The following BSN variants were observed in gnomAD, a reference collection of about 807,000 sequenced individuals.
BSN encodes the protein protein bassoon.
BSN carries 57 observed loss-of-function variants against 264.8 expected under a neutral mutation model. The observed-to-expected ratio is 0.22, with a 90% CI of 0.17 to 0.27. The LOEUF (loss-of-function observed/expected upper bound fraction) is 0.27. Ranked by LOEUF, BSN falls within the 10% of genes least tolerant of loss-of-function variation. The pLI, the probability that BSN is intolerant of heterozygous loss-of-function variation, is 1.00. For missense variants in BSN, 4,615 were observed against 5,232.5 expected, an observed-to-expected ratio of 0.88 and a Z score of 3.64; for synonymous variants, 2,059 against 2,137.3, an observed-to-expected ratio of 0.96 and a Z score of 1.01.
intron 3 of BSN, 150 bp from the exon 4 acceptor site, chr3:49,650,462 A>C: frequency 1.4e-6 from 1 of 722,984 alleles, no homozygotes; most frequent in East Asian, 2.8e-5. Flanking sequence ...GGGGGCAGTA[A>C]ATTGGTCAGT....
rs1237526327 is a variant in BSN, at chr3:49,638,161, A to G, written c.634-4107A>G. ...TGATTCTGATGGAGAGCCAGCTTGG[A>G]GAGGGCCTAGGAGCCACAGGGAGCC... On this transcript the variant is annotated intron_variant, in intron 2 of 11. Coordinates refer to ENST00000296452, the MANE Select transcript of BSN (RefSeq NM_003458.4). This position sits in a 1 kb window ranked among gnomAD's most constrained non-coding sequence, Gnocchi z 4.3. Among the ~76,000 whole-genome samples, 1 of 152,204 alleles carries G rather than the reference A, an allele frequency of 6.6e-6. No homozygotes were observed.
At chr3:49,637,680 C>T (rs1193550505) in intron 2 of BSN, among the ~76,000 whole-genome samples, 4 of 152,200 alleles carry the variant, frequency 2.6e-5, no homozygotes, top group Admixed American at 2.6e-4. Flanking sequence ...AAAGTCCTCT[C>T]AGAGCTACAG....
intron 2 of BSN, among the ~76,000 whole-genome samples, chr3:49,639,618 G>T (rs963917518): frequency 1.3e-5 from 2 of 152,132 alleles, no homozygotes; most frequent in Admixed American, 6.5e-5. Flanking sequence ...TTGGCCTTTG[G>T]GGGGCTCTGC....
At chr3:49,614,833 C>G (rs2052247094) in intron 1 of BSN, among the ~76,000 whole-genome samples, 1 of 152,158 alleles carries the variant, frequency 6.6e-6, no homozygotes, top group Non-Finnish European at 1.5e-5. Flanking sequence ...AAACCAAAAG[C>G]AAATCAATTT....
rs769337838 is a variant in BSN at position 49,657,910 on chromosome 3, G to A, written c.8354G>A (p.Arg2785His). The stretch of plus-strand genomic sequence containing the variant: ...GAGTCTCTCTCACAGCTTGTGAGCC[G>A]CCAGCCTCCCAAGTCCCCTCAGGTC... ...PPESLSQLVS[R>H]QPPKSPQVLY... The change falls in exon 5 of 12, where the codon CGC (arginine) becomes CAC (histidine). Residue 2785 changes from arginine to histidine, a missense_variant. Transcript: ENST00000296452. The A allele has an allele frequency of 2.2e-5, 36 of 1,613,586 alleles. No individual in the cohort carries two copies. The highest frequency in any genetic ancestry group is 5.5e-5 in the South Asian group (5 of 91,074).
At chr3:49,606,375 G>A (rs1185449547) in intron 1 of BSN, among the ~76,000 whole-genome samples, 1 of 49,206 alleles carries the variant, frequency 2.0e-5, no homozygotes, top group African/African-American at 6.7e-5. Flanking sequence ...CTTTTCAGAA[G>A]TGCCCCCTGA....
In BSN at chr3:49,650,974, C is replaced by G; in HGVS notation, c.1881C>G (p.Thr627=). Residue 627 remains threonine, a synonymous_variant, in exon 4 of 12, where the codon ACC becomes ACG. Transcript: ENST00000296452. ...EPMPKPPPET[T]PTPATPKVKS... ...TGCCGAAGCCACCTCCAGAGACTACCCCAACCCCTGCGACTCCTAAAGTAA... is the reference window on the plus strand; with the variant it reads ...TGCCGAAGCCACCTCCAGAGACTACGCCAACCCCTGCGACTCCTAAAGTAA... 5 of 1,614,178 alleles carry G rather than the reference C, an allele frequency of 3.1e-6. No individual in the cohort carries two copies. The East Asian group carries it at 8.9e-5, about 29-fold the overall frequency.
chr3:49,607,525 TCA>T (rs1232914631), intron 1 of BSN, among the ~76,000 whole-genome samples: 1 of 152,158 alleles, frequency 6.6e-6, no homozygotes, highest in Non-Finnish European at 1.5e-5. Context: ...TGTCACATGC[TCA>T]CACACACATG....
At position 49,656,998 on chromosome 3, in the gene BSN, G is replaced by A. The variant is rs375016523; in HGVS notation, c.7442G>A (p.Cys2481Tyr). 1.1e-5 allele frequency: 17 copies of A among 1,610,326 alleles called. No homozygotes were observed. Among genetic ancestry groups the A allele is most frequent in the Non-Finnish European group, 1.4e-5 (17 of 1,177,806 alleles). The change falls in exon 5 of 12, where the codon TGT (cysteine) becomes TAT (tyrosine). Residue 2481 changes from cysteine to tyrosine, a missense_variant. Cys to Tyr is a radical substitution (Grantham distance 194). Around this residue, in one of 3 missense-constraint regions of BSN, gnomAD observed 3,415 missense variants for 3,866.4 expected, o/e 0.88. Transcript: ENST00000296452. ...QRQKAPFPAA[C>Y]EAPGRGPPLA... ...CAGAAGGCTCCCTTTCCTGCAGCCT[G>A]TGAGGCACCTGGCCGAGGGCCTCCC...
In BSN at chr3:49,638,570, C is replaced by T. The variant is rs189257234; in HGVS notation, c.634-3698C>T. Among the ~76,000 whole-genome samples, 10 of 152,274 alleles carry T rather than the reference C, an allele frequency of 6.6e-5. No homozygotes were observed. The highest frequency in any genetic ancestry group is 1.7e-4 in the African/African-American group (7 of 41,556). ...CCTGGGAGGGGCTGTGGGGAGGGTGCGGTCAAGGTTCCTTACCGTCTGGAA... is the reference window on the plus strand; with the variant it reads ...CCTGGGAGGGGCTGTGGGGAGGGTGTGGTCAAGGTTCCTTACCGTCTGGAA... On this transcript the variant is annotated intron_variant, in intron 2 of 11. Coordinates refer to ENST00000296452, the MANE Select transcript of BSN (RefSeq NM_003458.4). This position sits in a 1 kb window ranked among gnomAD's most constrained non-coding sequence, Gnocchi z 4.3.
At chr3:49,596,661 GA>G (rs2052025482) in intron 1 of BSN, among the ~76,000 whole-genome samples, 1 of 151,932 alleles carries the variant, frequency 6.6e-6, no homozygotes, top group African/African-American at 2.4e-5. Flanking sequence ...TGGCTTTTTT[GA>G]AAATTCTAGA....
rs367663797 is a variant in BSN, at chr3:49,653,260, G to A, written c.3704G>A (p.Arg1235His). 11 of 1,612,734 alleles carry A rather than the reference G, an allele frequency of 6.8e-6. No individual in the cohort carries two copies. Among genetic ancestry groups the A allele is most frequent in the Admixed American group, 3.3e-5 (2 of 59,948 alleles). Residue 1235 changes from arginine to histidine, a missense_variant, in exon 5 of 12, where the codon CGT becomes CAT. Physicochemically the swap from Arg to His is conservative, Grantham distance 29 (BLOSUM62 0). This residue lies in a region of BSN where 3,415 missense variants were observed against 3,866.4 expected (regional missense o/e 0.88). Coordinates refer to ENST00000296452, the MANE Select transcript of BSN (RefSeq NM_003458.4). This position sits in a 1 kb window ranked among gnomAD's most constrained non-coding sequence, Gnocchi z 6.3. ...GSFEYQDTTD[R>H]EYGQAAQPAA... ...TTCGAATATCAAGACACTACAGACCGTGAGTATGGCCAGGCTGCTCAGCCT... is the reference window on the plus strand; with the variant it reads ...TTCGAATATCAAGACACTACAGACCATGAGTATGGCCAGGCTGCTCAGCCT...
chr3:49,588,658 A>T (rs1276346342), intron 1 of BSN, among the ~76,000 whole-genome samples: 1 of 152,082 alleles, frequency 6.6e-6, no homozygotes, highest in African/African-American at 2.4e-5. Context: ...GTACTTTAAA[A>T]TTTCTTTTGT....
Position 49,662,337 on chromosome 3 carries a change from C to T in BSN, c.10492C>T (p.Arg3498Trp), listed in dbSNP as rs760260057. Reference sequence around the variant, plus strand: ...CCACAGCCGGGTACGACCCCCCATGCGGAGCCAGGCCTCTGAAGAGGAGAG... The same window carrying T: ...CCACAGCCGGGTACGACCCCCCATGTGGAGCCAGGCCTCTGAAGAGGAGAG... ...MAHSRVRPPMRSQASEEESPV... is the reference protein window; with the variant it reads ...MAHSRVRPPMWSQASEEESPV... The change falls in exon 6 of 12, where the codon CGG (arginine) becomes TGG (tryptophan). Residue 3498 changes from arginine (R) to tryptophan (W), a missense_variant. Arg to Trp is a moderately radical substitution (Grantham distance 101, BLOSUM62 -3). Around this residue, in one of 3 missense-constraint regions of BSN, gnomAD observed 3,415 missense variants for 3,866.4 expected, o/e 0.88. Transcript: ENST00000296452. 26 of 1,613,426 alleles carry T rather than the reference C, an allele frequency of 1.6e-5. No homozygotes were observed. Among genetic ancestry groups the T allele is most frequent in the East Asian group, 2.2e-5 (1 of 44,864 alleles).
intron 1 of BSN, among the ~76,000 whole-genome samples, chr3:49,608,555 C>T (rs1200771691): frequency 3.3e-5 from 5 of 152,122 alleles, no homozygotes; most frequent in African/African-American, 4.8e-5. Flanking sequence ...TCAGGCTTGG[C>T]GTGGTGGCTC....
At chr3:49,591,207 A>G (rs992384188) in intron 1 of BSN, among the ~76,000 whole-genome samples, 2 of 152,172 alleles carry the variant, frequency 1.3e-5, no homozygotes, top group African/African-American at 4.8e-5. Context: ...TCCTTACTTC[A>G]ATACAGCTTT....
At chr3:49,658,260 C>A in intron 5 of BSN, 64 bp downstream of exon 5, 2 of 1,470,560 alleles carry the variant, frequency 1.4e-6, no homozygotes, top group Non-Finnish European at 1.8e-6. Flanking sequence ...GGGGCCCCCA[C>A]AGGGAGGGGC....
rs149242508 is a variant in BSN, at chr3:49,652,155, C to G, written c.2599C>G (p.Arg867Gly). 1 of 1,614,032 alleles carries G rather than the reference C, an allele frequency of 6.2e-7. No homozygotes were observed. The highest frequency in any genetic ancestry group is 1.1e-5 in the South Asian group (1 of 91,070). ...GGAGGATGACACTGCCACCTCCGGG[C>G]GTGGCCTGGCCAAACATGGCACCCA... ...LEEDDTATSG[R>G]GLAKHGTQKG... is the part of the protein sequence containing the mutation. The change falls in exon 5 of 12, where the codon CGT becomes GGT. Residue 867 changes from arginine to glycine, a missense_variant. Physicochemically the swap from Arg to Gly is moderately radical, Grantham distance 125. This residue lies in a region of BSN where 1,197 missense variants were observed against 1,348.0 expected (regional missense o/e 0.89). Coordinates refer to ENST00000296452, the MANE Select transcript of BSN (RefSeq NM_003458.4).
At chr3:49,572,658 C>T (rs1575426422) in intron 1 of BSN, among the ~76,000 whole-genome samples, 2 of 152,164 alleles carry the variant, frequency 1.3e-5, no homozygotes, top group South Asian at 2.1e-4. Flanking sequence ...CTCAGCCTCA[C>T]GAGTAGCTGG....
Sources: allele counts gnomAD v4.1 joint callset (sites outside exome capture counted in the v4.1 genomes callset), GRCh38; gene constraint gnomAD v4.1.1; regional missense constraint gnomAD v4.1.1; non-coding constraint Gnocchi (gnomAD v3.1); transcripts MANE v1.5; gene names NCBI Gene and HGNC (gene_info 2026-07-23, HGNC 2026-07-21).